The following CSMD1 variants were observed in gnomAD, a reference collection of about 807,000 sequenced individuals.
The protein encoded by CSMD1 is CUB and sushi domain-containing protein 1.
A neutral mutation model predicts 417.5 loss-of-function variants in CSMD1; 213 were observed. That is an observed-to-expected ratio of 0.51 (90% CI 0.46 to 0.57). CSMD1 has a LOEUF of 0.57. CSMD1 is among the 20% of genes least tolerant of loss of function. The probability of loss-of-function intolerance (pLI) is 0.00; values close to 1 mark genes in which losing one functional copy is unlikely to be tolerated. For synonymous variants in CSMD1, 2,862 were observed against 1,736.8 expected (o/e 1.65, Z -16.11); for missense variants, 6,923 against 4,529.7 (o/e 1.53, Z -15.17).
chr8:4,321,127 G>A (rs1287678008), intron 3 of CSMD1, among the ~76,000 whole-genome samples: 1 of 152,016 alleles, frequency 6.6e-6, no homozygotes, highest in Admixed American at 6.6e-5. Flanking sequence ...ATCAATCAAA[G>A]GCAGGAAGAG....
At chr8:4,802,550 T>C (rs974358723) in intron 1 of CSMD1, among the ~76,000 whole-genome samples, 13 of 152,198 alleles carry the variant, frequency 8.5e-5, no homozygotes, top group African/African-American at 2.9e-4. Context: ...AACTTTATAA[T>C]TTCAAACTAT....
At chr8:3,651,907 T>C (rs1490874650) in intron 7 of CSMD1, among the ~76,000 whole-genome samples, 2 of 150,250 alleles carry the variant, frequency 1.3e-5, no homozygotes, top group Non-Finnish European at 3.0e-5. Context: ...ATCAGAGTGC[T>C]TACCATCATC....
intron 1 of CSMD1, among the ~76,000 whole-genome samples, chr8:4,964,834 T>C (rs1230103348): frequency 6.6e-6 from 1 of 152,188 alleles, no homozygotes; most frequent in Non-Finnish European, 1.5e-5. Context: ...ACGATGGACT[T>C]TAATACCAGT....
chr8:3,182,631 T>TATAA (rs1821425539), intron 36 of CSMD1, among the ~76,000 whole-genome samples: 3 of 43,492 alleles, frequency 6.9e-5, no homozygotes, highest in Admixed American at 2.8e-4. Flanking sequence ...TGTGTGTGTG[T>TATAA]GTATTGTTAG....
At chr8:4,516,362 G>C (rs916874673) in intron 2 of CSMD1, among the ~76,000 whole-genome samples, 14 of 152,178 alleles carry the variant, frequency 9.2e-5, no homozygotes, top group African/African-American at 3.4e-4. Flanking sequence ...AAGGCATCCA[G>C]TTTGTGGTAC....
chr8:4,476,312 G>T (rs1018522380), intron 2 of CSMD1, among the ~76,000 whole-genome samples: 1 of 152,032 alleles, frequency 6.6e-6, no homozygotes, highest in African/African-American at 2.4e-5. Context: ...ATTCTAACAC[G>T]AAATTTCACA....
At chr8:3,196,422 A>C (rs984470791) in intron 33 of CSMD1, among the ~76,000 whole-genome samples, 9 of 152,074 alleles carry the variant, frequency 5.9e-5, no homozygotes, top group Non-Finnish European at 7.4e-5. Context: ...CTTTCCTAAT[A>C]AACTTGTTTT....
At chr8:3,157,213 G>A (rs1585506160) in intron 39 of CSMD1, among the ~76,000 whole-genome samples, 1 of 152,140 alleles carries the variant, frequency 6.6e-6, no homozygotes, top group African/African-American at 2.4e-5. Flanking sequence ...ATAGGTGATG[G>A]GTGAAGCTGG....
intron 26 of CSMD1, among the ~76,000 whole-genome samples, chr8:3,280,322 G>GT (rs1261756575): frequency 6.6e-6 from 1 of 152,164 alleles, no homozygotes; most frequent in East Asian, 1.9e-4. Flanking sequence ...CATAAATAAA[G>GT]TAAAAATAAC....
intron 12 of CSMD1, among the ~76,000 whole-genome samples, 164 bp from the exon 13 acceptor site, chr8:3,409,769 A>G (rs573975632): frequency 4.6e-5 from 7 of 152,350 alleles, no homozygotes; most frequent in African/African-American, 1.7e-4. Context: ...TTAATTTCAA[A>G]TACCAGAAAA....
intron 15 of CSMD1, among the ~76,000 whole-genome samples, chr8:3,399,734 G>A (rs1214623487): frequency 6.6e-6 from 1 of 152,172 alleles, no homozygotes; most frequent in African/African-American, 2.4e-5. Context: ...CCATTACCTT[G>A]AAGCAAAGTT....
intron 26 of CSMD1, among the ~76,000 whole-genome samples, chr8:3,270,046 C>CTTT (rs200994813): frequency 0.089 from 10,497 of 117,456 alleles, 718 homozygotes; most frequent in African/African-American, 0.12. Context: ...CTAACCTCTT[C>CTTT]TTTTTTTTTT....
chr8:4,817,448 A>G (rs866072488), intron 1 of CSMD1, among the ~76,000 whole-genome samples: 19 of 152,370 alleles, frequency 1.2e-4, no homozygotes, highest in African/African-American at 4.1e-4. Flanking sequence ...AGTAGGAGCA[A>G]GACGCACCTT....
At chr8:3,897,350 G>A (rs548774183) in intron 5 of CSMD1, among the ~76,000 whole-genome samples, 13 of 152,264 alleles carry the variant, frequency 8.5e-5, no homozygotes, top group African/African-American at 3.1e-4. Context: ...TAAGCAGTGT[G>A]CTCTAACAGT....
chr8:4,381,658 C>G (rs1297319000), intron 3 of CSMD1, among the ~76,000 whole-genome samples: 2 of 152,182 alleles, frequency 1.3e-5, no homozygotes, highest in Admixed American at 6.5e-5. Context: ...TCCCCCAACC[C>G]TCATTCCCCA....
At chr8:4,077,800 C>T (rs1455345608) in intron 3 of CSMD1, among the ~76,000 whole-genome samples, 1 of 152,264 alleles carries the variant, frequency 6.6e-6, no homozygotes, top group East Asian at 1.9e-4. Flanking sequence ...AAGTTGTTCT[C>T]ACTCTGTTCC....
intron 20 of CSMD1, among the ~76,000 whole-genome samples, chr8:3,363,914 C>G (rs1277056586): frequency 1.3e-5 from 2 of 152,092 alleles, no homozygotes; most frequent in Admixed American, 1.3e-4. Context: ...TTTATCTAAG[C>G]CAACTGGAAT....
chr8:4,666,908 C>T (rs1028651241), intron 1 of CSMD1, among the ~76,000 whole-genome samples: 8 of 151,322 alleles, frequency 5.3e-5, no homozygotes, highest in African/African-American at 1.7e-4. Context: ...TGTGTGTTAC[C>T]TAATTAAAAA....
intron 1 of CSMD1, among the ~76,000 whole-genome samples, chr8:4,774,198 A>G (rs986462471): frequency 3.3e-5 from 5 of 152,172 alleles, no homozygotes; most frequent in Non-Finnish European, 5.9e-5. Flanking sequence ...AGGCTGTCTC[A>G]AAAAATAAAA....
Sources: allele counts gnomAD v4.1 joint callset (sites outside exome capture counted in the v4.1 genomes callset), GRCh38; gene constraint gnomAD v4.1.1; transcripts MANE v1.5; gene names NCBI Gene and HGNC (gene_info 2026-07-23, HGNC 2026-07-21).